The following ELFN2 variants were observed in gnomAD, a reference collection of about 807,000 sequenced individuals.
ELFN2 encodes extracellular leucine rich repeat and fibronectin type III domain containing 2.
A neutral mutation model predicts 45.5 loss-of-function variants in ELFN2; 17 were observed. The ratio of observed to expected loss-of-function variants is 0.37; its 90% CI spans 0.26 to 0.56. The LOEUF (loss-of-function observed/expected upper bound fraction) is 0.56, where lower values mean the gene tolerates loss of function less well. ELFN2 is among the 20% of genes least tolerant of loss of function. The pLI is 0.77. For missense variants in ELFN2, 922 were observed against 1,183.2 expected (o/e 0.78, Z 3.24); for synonymous variants, 550 against 551.5 (o/e 1.00, Z 0.04).
Position 37,374,559 on chromosome 22 carries a change from C to G in ELFN2, c.976G>C (p.Val326Leu), listed in dbSNP as rs763718944. ...PHPYSKMYIL[V>L]QYNNSYFSDV... ...GAGAAGTAGCTGTTGTTGTACTGCA[C>G]GAGGATGTACATCTTGCTGTAGGGG... Residue 326 changes from valine (V) to leucine (L), a missense_variant, in exon 3 of 3, where the codon GTG (valine) becomes CTG (leucine). Val to Leu is a conservative substitution (Grantham distance 32, BLOSUM62 1). Coordinates refer to ENST00000402918, the MANE Select transcript of ELFN2 (RefSeq NM_052906.5). 1.2e-6 allele frequency: 2 copies of G among 1,614,200 alleles called. No homozygotes were observed. The highest frequency in any genetic ancestry group is 1.7e-6 in the Non-Finnish European group (2 of 1,180,036).
intron 2 of ELFN2, among the ~76,000 whole-genome samples, chr22:37,376,851 G>A (rs531016102): frequency 3.3e-5 from 5 of 152,298 alleles, no homozygotes; most frequent in East Asian, 1.9e-4. Flanking sequence ...GGAGTAGCAC[G>A]GCTGAGGCCC....
intron 2 of ELFN2, among the ~76,000 whole-genome samples, chr22:37,396,266 A>G (rs754679268): frequency 3.3e-5 from 5 of 152,234 alleles, no homozygotes; most frequent in Non-Finnish European, 7.4e-5. Flanking sequence ...GTTTGCTGAA[A>G]GTGAGCTAAC....
chr22:37,402,783 G>A (rs1932397996), intron 2 of ELFN2, among the ~76,000 whole-genome samples: 1 of 152,188 alleles, frequency 6.6e-6, no homozygotes, highest in Admixed American at 6.5e-5. Context: ...GTGGGTCCCA[G>A]GACCAGGCAG....
At chr22:37,378,120 G>T (rs1391017394) in intron 2 of ELFN2, among the ~76,000 whole-genome samples, 1 of 152,232 alleles carries the variant, frequency 6.6e-6, no homozygotes, top group African/African-American at 2.4e-5. Context: ...GCTGATGCAG[G>T]GGTGTGCTGA....
intron 2 of ELFN2, among the ~76,000 whole-genome samples, chr22:37,411,706 T>G (rs1226899047): frequency 6.6e-6 from 1 of 152,148 alleles, no homozygotes; most frequent in Non-Finnish European, 1.5e-5. Context: ...GGCTATGGGT[T>G]CTCAGTAGCT....
intron 2 of ELFN2, among the ~76,000 whole-genome samples, chr22:37,406,270 C>T (rs530059867): frequency 4.6e-5 from 7 of 152,342 alleles, no homozygotes; most frequent in African/African-American, 1.7e-4. Context: ...AGCAGGTGCT[C>T]AACAAGTGAC....
At chr22:37,413,893 C>T (rs912858197) in intron 2 of ELFN2, among the ~76,000 whole-genome samples, 17 of 152,216 alleles carry the variant, frequency 1.1e-4, no homozygotes, top group Admixed American at 3.3e-4. Flanking sequence ...CAGCCTGAAA[C>T]GCAAGGCCTC....
chr22:37,418,632 C>T (rs1932784500), intron 1 of ELFN2, among the ~76,000 whole-genome samples: 1 of 151,342 alleles, frequency 6.6e-6, no homozygotes, highest in Admixed American at 6.6e-5. Context: ...CCATGGCCAA[C>T]TACCCTCCTC....
At chr22:37,345,063 C>T (rs1451201798) in intron 1 of ELFN2, among the ~76,000 whole-genome samples, 1 of 152,256 alleles carries the variant, frequency 6.6e-6, no homozygotes. Context: ...TCCTCTGGGT[C>T]CCACTGCACC....
intron 2 of ELFN2, among the ~76,000 whole-genome samples, chr22:37,376,549 G>C (rs1399312414): frequency 6.6e-6 from 1 of 152,202 alleles, no homozygotes; most frequent in Non-Finnish European, 1.5e-5. Flanking sequence ...CATGCCCAAA[G>C]ATAAATAATT....
intron 2 of ELFN2, among the ~76,000 whole-genome samples, chr22:37,380,126 A>G (rs1931710047): frequency 6.6e-6 from 1 of 152,180 alleles, no homozygotes; most frequent in African/African-American, 2.4e-5. Context: ...CTTCCCTGTC[A>G]GGGGAGCGTC....
rs983086404 is a variant in ELFN2 at position 37,417,141 on chromosome 22, C to T, written c.-463+628G>A. On this transcript the variant is annotated intron_variant, in intron 2 of 2. Transcript: ENST00000402918. This position sits in a 1 kb window ranked among gnomAD's most constrained non-coding sequence, Gnocchi z 4.5. ...GCCCCAGCCTCTCCTCTCCTCTCCTCTCCAGGGCAGCCACCAGCCCCAGCC... is the reference window on the plus strand; with the variant it reads ...GCCCCAGCCTCTCCTCTCCTCTCCTTTCCAGGGCAGCCACCAGCCCCAGCC... 6.6e-6 allele frequency among the ~76,000 whole-genome samples: 1 copy of T among 151,362 alleles called. No homozygotes were observed. The highest frequency in any genetic ancestry group is 1.5e-5 in the Non-Finnish European group (1 of 67,552).
intron 2 of ELFN2, among the ~76,000 whole-genome samples, chr22:37,401,078 C>T (rs1368106368): frequency 6.6e-6 from 1 of 152,210 alleles, no homozygotes; most frequent in Non-Finnish European, 1.5e-5. Flanking sequence ...AAACAGGGTA[C>T]CAGGAATTAC....
downstream of ELFN2, among the ~76,000 whole-genome samples, chr22:37,365,033 C>G (rs1439636418): frequency 6.6e-6 from 1 of 152,174 alleles, no homozygotes; most frequent in Non-Finnish European, 1.5e-5. Context: ...CCAGGACAGG[C>G]TGCCCAGGCT....
At chr22:37,415,571 C>T (rs1932751731) in intron 2 of ELFN2, among the ~76,000 whole-genome samples, 1 of 152,250 alleles carries the variant, frequency 6.6e-6, no homozygotes, top group Non-Finnish European at 1.5e-5. Context: ...GTACTCCCAC[C>T]ACTAAGGGTC....
At chr22:37,377,666 A>T (rs1931618900) in intron 2 of ELFN2, among the ~76,000 whole-genome samples, 1 of 152,184 alleles carries the variant, frequency 6.6e-6, no homozygotes. Context: ...CTAAAGGCTG[A>T]TGCTACGTCA....
At chr22:37,395,478 G>C (rs191629128) in intron 2 of ELFN2, among the ~76,000 whole-genome samples, 14 of 152,330 alleles carry the variant, frequency 9.2e-5, no homozygotes, top group African/African-American at 3.4e-4. Flanking sequence ...ACACAGCTAA[G>C]AAGTGGCAGG....
At chr22:37,402,371 C>T (rs981905712) in intron 2 of ELFN2, among the ~76,000 whole-genome samples, 5 of 152,196 alleles carry the variant, frequency 3.3e-5, no homozygotes, top group African/African-American at 1.2e-4. Context: ...TCCAAACTGA[C>T]CGCTGGAGTT....
chr22:37,343,622 T>A (rs1208284857), intron 1 of ELFN2, among the ~76,000 whole-genome samples: 1 of 151,976 alleles, frequency 6.6e-6, no homozygotes, highest in Non-Finnish European at 1.5e-5. Context: ...GCCGTGAGGA[T>A]GATCAACACC....
Sources: gnomAD v4.1 joint callset for allele counts (sites outside exome capture counted in the v4.1 genomes callset) on GRCh38, gnomAD v4.1.1 for gene constraint, Gnocchi (gnomAD v3.1) non-coding constraint, MANE v1.5 for transcripts, NCBI Gene and HGNC (gene_info 2026-07-23, HGNC 2026-07-21) for gene names.